The following KCND2 variants were observed in gnomAD, a reference collection of about 807,000 sequenced individuals.
KCND2 encodes the protein A-type voltage-gated potassium channel KCND2.
Under a neutral mutation model 54.4 loss-of-function variants are expected in KCND2, and 16 were observed. That is an observed-to-expected ratio of 0.29 (90% CI 0.20 to 0.45). The LOEUF (loss-of-function observed/expected upper bound fraction) is 0.45. Ranked by LOEUF, KCND2 falls within the 20% of genes least tolerant of loss-of-function variation. The pLI, the probability that KCND2 is intolerant of heterozygous loss-of-function variation, is 1.00. For synonymous variants in KCND2, 317 were observed against 310.7 expected, an observed-to-expected ratio of 1.02 and a Z score of -0.21; for missense variants, 486 against 824.2, an observed-to-expected ratio of 0.59 and a Z score of 5.02.
chr7:120,667,739 T>TA (rs1288928279), intron 1 of KCND2, among the ~76,000 whole-genome samples: 1 of 152,060 alleles, frequency 6.6e-6, no homozygotes, highest in African/African-American at 2.4e-5. Context: ...CCCTACTCAG[T>TA]AGACAAAAAT....
intron 1 of KCND2, among the ~76,000 whole-genome samples, chr7:120,588,404 T>TGA (rs1431830123): frequency 7.7e-6 from 1 of 129,322 alleles, no homozygotes; most frequent in Non-Finnish European, 1.7e-5. Context: ...AACTGTGCAG[T>TGA]GTGTGTGTGT....
intron 1 of KCND2, among the ~76,000 whole-genome samples, chr7:120,611,835 A>G (rs1406075161): frequency 6.6e-6 from 1 of 152,178 alleles, no homozygotes; most frequent in East Asian, 1.9e-4. Context: ...CTTCTCTACG[A>G]AAACCACTAA....
intron 1 of KCND2, among the ~76,000 whole-genome samples, chr7:120,698,998 C>T (rs1378580081): frequency 6.6e-6 from 1 of 152,040 alleles, no homozygotes; most frequent in African/African-American, 2.4e-5. Context: ...GGTATTAAAT[C>T]AGCCGGGCAC....
intron 1 of KCND2, among the ~76,000 whole-genome samples, chr7:120,382,013 G>C (rs917124073): frequency 6.6e-6 from 1 of 150,838 alleles, no homozygotes; most frequent in Non-Finnish European, 1.5e-5. Flanking sequence ...TTACTTTATA[G>C]TTCTATCCAG....
intron 1 of KCND2, among the ~76,000 whole-genome samples, chr7:120,544,001 T>A (rs1294409796): frequency 6.6e-6 from 1 of 152,016 alleles, no homozygotes; most frequent in Non-Finnish European, 1.5e-5. Flanking sequence ...TGGAAATTAC[T>A]ACATGACTCC....
intron 1 of KCND2, among the ~76,000 whole-genome samples, chr7:120,520,755 C>T (rs1039647629): frequency 6.6e-6 from 1 of 152,102 alleles, no homozygotes; most frequent in African/African-American, 2.4e-5. Context: ...CAAAGGTTTG[C>T]ATGTGTGCAT....
intron 1 of KCND2, among the ~76,000 whole-genome samples, chr7:120,357,156 A>G (rs1317658368): frequency 6.6e-6 from 1 of 152,138 alleles, no homozygotes; most frequent in Non-Finnish European, 1.5e-5. Context: ...CATCAAAATA[A>G]CTAACATTTA....
chr7:120,670,634 G>T (rs1791979417), intron 1 of KCND2, among the ~76,000 whole-genome samples: 2 of 151,866 alleles, frequency 1.3e-5, no homozygotes, highest in South Asian at 4.2e-4. Flanking sequence ...GGGATGAATA[G>T]GGCTGGGCGC....
intron 1 of KCND2, among the ~76,000 whole-genome samples, chr7:120,340,064 A>C (rs561479799): frequency 6.6e-5 from 10 of 152,314 alleles, no homozygotes; most frequent in African/African-American, 2.4e-4. Flanking sequence ...GCTTGTAATC[A>C]CTTGACTTTT....
chr7:120,719,552 T>C (rs1246467852), intron 1 of KCND2, among the ~76,000 whole-genome samples: 1 of 152,176 alleles, frequency 6.6e-6, no homozygotes, highest in Non-Finnish European at 1.5e-5. Context: ...TTCCATTTTA[T>C]TGCCAAAACC....
At chr7:120,662,093 CTTATA>C (rs1791872524) in intron 1 of KCND2, among the ~76,000 whole-genome samples, 1 of 152,074 alleles carries the variant, frequency 6.6e-6, no homozygotes. Flanking sequence ...TCAGGCAAAA[CTTATA>C]TTAAGTAAAT....
chr7:120,742,372 A>G (rs554055153), intron 3 of KCND2, 138 bp from the exon 4 acceptor site: 1 of 743,654 alleles, frequency 1.3e-6, no homozygotes, highest in East Asian at 2.5e-5. Context: ...CAGGAACTGC[A>G]CATTTGTTCC....
At chr7:120,395,104 A>G (rs770897077) in intron 1 of KCND2, among the ~76,000 whole-genome samples, 1 of 152,014 alleles carries the variant, frequency 6.6e-6, no homozygotes, top group Non-Finnish European at 1.5e-5. Context: ...TTATTCTGTG[A>G]AATTCCCAGT....
At chr7:120,510,050 A>T (rs1291847436) in intron 1 of KCND2, among the ~76,000 whole-genome samples, 1 of 152,042 alleles carries the variant, frequency 6.6e-6, no homozygotes, top group Non-Finnish European at 1.5e-5. Context: ...TTTAAGTTTG[A>T]TATTCACACT....
intron 2 of KCND2, among the ~76,000 whole-genome samples, chr7:120,736,595 T>G (rs989361668): frequency 6.6e-6 from 1 of 151,982 alleles, no homozygotes; most frequent in Non-Finnish European, 1.5e-5. Context: ...GGCTAACCTG[T>G]GAGTAATTAT....
At chr7:120,581,308 T>C (rs1792512090) in intron 1 of KCND2, among the ~76,000 whole-genome samples, 1 of 152,232 alleles carries the variant, frequency 6.6e-6, no homozygotes. Flanking sequence ...CTTATTGAAA[T>C]ATTTAGTATC....
chr7:120,679,607 T>C (rs1792114714), intron 1 of KCND2, among the ~76,000 whole-genome samples: 1 of 152,078 alleles, frequency 6.6e-6, no homozygotes, highest in South Asian at 2.1e-4. Context: ...ACATAATTAT[T>C]TTGGCTCTTT....
chr7:120,475,510 A>C (rs1011108699), intron 1 of KCND2, among the ~76,000 whole-genome samples: 5 of 152,156 alleles, frequency 3.3e-5, no homozygotes, highest in African/African-American at 9.6e-5. Flanking sequence ...TCCATTTTCC[A>C]TATCTGATGT....
intron 1 of KCND2, among the ~76,000 whole-genome samples, chr7:120,288,635 G>A (rs1212461206): frequency 1.3e-5 from 2 of 152,056 alleles, no homozygotes; most frequent in Non-Finnish European, 2.9e-5. Context: ...TGAGGTCCAG[G>A]TGTAATGAGA....
Sources: gnomAD v4.1 joint callset for allele counts (sites outside exome capture counted in the v4.1 genomes callset) on GRCh38, gnomAD v4.1.1 for gene constraint, MANE v1.5 for transcripts, NCBI Gene and HGNC (gene_info 2026-07-23, HGNC 2026-07-21) for gene names.